The following ITGA1 variants were observed in gnomAD, a reference collection of about 807,000 sequenced individuals.
ITGA1 encodes integrin alpha-1.
A neutral mutation model predicts 145.9 loss-of-function variants in ITGA1; 85 were observed. The ratio of observed to expected loss-of-function variants is 0.58; its 90% confidence interval spans 0.49 to 0.70. ITGA1 has a LOEUF of 0.70. Ranked by LOEUF, ITGA1 falls within the 30% of genes least tolerant of loss-of-function variation. The pLI, the probability that ITGA1 is intolerant of heterozygous loss-of-function variation, is 0.00. For synonymous variants in ITGA1, 520 were observed against 495.3 expected (o/e 1.05, Z -0.66); for missense variants, 1,351 against 1,418.7 (o/e 0.95, Z 0.77).
intron 1 of ITGA1, among the ~76,000 whole-genome samples, chr5:52,792,292 G>T (rs1419889554): frequency 6.6e-6 from 1 of 152,126 alleles, no homozygotes; most frequent in Non-Finnish European, 1.5e-5. Context: ...GAGGAAGTCA[G>T]CCACTTATTC....
chr5:52,891,928 A>G (rs1461840433), intron 8 of ITGA1, among the ~76,000 whole-genome samples: 1 of 152,128 alleles, frequency 6.6e-6, no homozygotes, highest in African/African-American at 2.4e-5. Context: ...AAAAATTTTT[A>G]CATTAAAAAC....
Position 52,897,440 on chromosome 5 carries a change from T to C in ITGA1, c.1091-15T>C, listed in dbSNP as rs1272867693. Reference sequence around the variant, plus strand: ...CATTGTTACTTATTTACAGTGATATTTTCCTATGTTATAGCCACAGCTGAC... The same window carrying C: ...CATTGTTACTTATTTACAGTGATATCTTCCTATGTTATAGCCACAGCTGAC... On this transcript the variant is annotated splice_polypyrimidine_tract_variant and intron_variant, in intron 9 of 28. Coordinates refer to ENST00000282588, the MANE Select transcript of ITGA1 (RefSeq NM_181501.2). The C allele has an allele frequency of 1.3e-6, 2 of 1,582,414 alleles. No homozygotes were observed. The highest frequency in any genetic ancestry group is 1.7e-6 in the Non-Finnish European group (2 of 1,152,830).
chr5:52,939,487 T>A, intron 24 of ITGA1, 103 bp from the exon 25 acceptor site: 1 of 731,414 alleles, frequency 1.4e-6, no homozygotes, highest in East Asian at 2.7e-5. Flanking sequence ...CTCTAATATA[T>A]GGCAATGGCT....
chr5:52,940,369 A>G (rs901123424), intron 26 of ITGA1, among the ~76,000 whole-genome samples: 3 of 151,636 alleles, frequency 2.0e-5, no homozygotes, highest in Non-Finnish European at 4.4e-5. Flanking sequence ...CTGTTATTAT[A>G]TGTATAATTT....
intron 1 of ITGA1, among the ~76,000 whole-genome samples, chr5:52,789,009 C>T (rs6867040): frequency 0.26 from 39,100 of 152,090 alleles, 5,395 homozygotes; most frequent in Non-Finnish European, 0.31. Context: ...TGAACATTTT[C>T]TCTGTAAATA....
intron 14 of ITGA1, among the ~76,000 whole-genome samples, chr5:52,912,804 T>C (rs1428536393): frequency 1.3e-5 from 2 of 150,792 alleles, no homozygotes; most frequent in Non-Finnish European, 3.0e-5. Flanking sequence ...TAGACTGCAG[T>C]GGCACGATCT....
chr5:52,916,906 A>G (rs1750656442), intron 15 of ITGA1, among the ~76,000 whole-genome samples: 1 of 152,198 alleles, frequency 6.6e-6, no homozygotes, highest in Non-Finnish European at 1.5e-5. Flanking sequence ...CTTTCTTGCA[A>G]AGCTTTGCAA....
In ITGA1 at chr5:52,898,284, A is replaced by G; in HGVS notation, c.1210A>G (p.Thr404Ala). 6.2e-7 allele frequency: 1 copy of G among 1,611,720 alleles called. No individual in the cohort carries two copies. The change falls in exon 11 of 29, where the codon ACA (threonine) becomes GCA (alanine). Residue 404 changes from threonine (T) to alanine (A), a missense_variant. By Grantham distance (58) the Thr-to-Ala change is moderately conservative. Transcript: ENST00000282588. ...GAVGAYDWNG[T>A]VVMQKASQII... ...AGTAGGAGCCTATGATTGGAATGGA[A>G]CAGTTGTCATGCAGAAGGCTAGTCA...
rs190839367 is a variant in ITGA1, at chr5:52,843,168, T to C, written c.62-6197T>C. 2.6e-5 allele frequency among the ~76,000 whole-genome samples: 4 copies of C among 152,278 alleles called. No homozygotes were observed. In the East Asian group the frequency reaches 7.7e-4, roughly 29 times the overall value. ...CTATCTTTCTATACCACCAAAGAATTTGCCCTAAAACCATTCACTGTAAAA... is the reference window on the plus strand; with the variant it reads ...CTATCTTTCTATACCACCAAAGAATCTGCCCTAAAACCATTCACTGTAAAA... On this transcript the variant is annotated intron_variant, in intron 1 of 28. Transcript: ENST00000282588.
chr5:52,800,487 C>T (rs1268231627), intron 1 of ITGA1: 3 of 1,614,018 alleles, frequency 1.9e-6, no homozygotes, highest in Non-Finnish European at 2.5e-6. Flanking sequence ...ACACTTACAA[C>T]CTCGTGCAGG....
rs956132521 is a variant in ITGA1 at position 52,957,400 on chromosome 5, T to C, written c.*4949T>C. The C allele has an allele frequency of 6.6e-6, 1 of 152,196 alleles. No homozygotes were observed. The highest frequency in any genetic ancestry group is 2.4e-5 in the African/African-American group (1 of 41,444). The allele number at this position is 152,196 out of a possible 1,614,324, so 9.4% of individuals were successfully genotyped here. Reference sequence around the variant, plus strand: ...TACCATACCAAAAAATATGTAAGGGTGACTCATCACTCCTAACTTTGGACT... The same window carrying C: ...TACCATACCAAAAAATATGTAAGGGCGACTCATCACTCCTAACTTTGGACT... On this transcript the variant is annotated 3_prime_UTR_variant, in exon 29 of 29. Transcript: ENST00000282588.
At chr5:52,917,598 T>C (rs376759094) in intron 15 of ITGA1, among the ~76,000 whole-genome samples, 2 of 107,640 alleles carry the variant, frequency 1.9e-5, no homozygotes, top group Non-Finnish European at 4.5e-5. Context: ...AAAAATAATG[T>C]TCTCAGAAAA....
chr5:52,905,861 A>G lies in ITGA1; in HGVS notation c.1408A>G (p.Met470Val), dbSNP rs1474805227. The change falls in exon 12 of 29, where the codon ATG becomes GTG. Residue 470 changes from methionine to valine, a missense_variant. Met to Val is a conservative substitution (Grantham distance 21). Transcript: ENST00000282588. ...NHTGQVIIYRMEDGNIKILQT... is the reference protein window; with the variant it reads ...NHTGQVIIYRVEDGNIKILQT... ...TACAGGCCAGGTCATTATCTACAGG[A>G]TGGAAGATGGAAACATCAAAATTCT... 6.2e-7 allele frequency: 1 copy of G among 1,613,604 alleles called. No homozygotes were observed.
intron 24 of ITGA1, 22 bp from the exon 25 acceptor site, chr5:52,939,568 A>T: frequency 6.7e-7 from 1 of 1,483,374 alleles, no homozygotes. Context: ...TTGTCTGATA[A>T]ATGTAATATT....
chr5:52,910,562 T>G, intron 14 of ITGA1, 143 bp downstream of exon 14: 1 of 809,546 alleles, frequency 1.2e-6, no homozygotes, highest in South Asian at 1.9e-5. Context: ...TTAAGTGTTT[T>G]TTATAGATTA....
At chr5:52,885,624 A>G (rs1460314596) in intron 7 of ITGA1, among the ~76,000 whole-genome samples, 2 of 152,234 alleles carry the variant, frequency 1.3e-5, no homozygotes, top group Non-Finnish European at 2.9e-5. Context: ...TGAGCAAAGA[A>G]TGATTCATGA....
chr5:52,942,697 ATTTT>A, intron 26 of ITGA1, among the ~76,000 whole-genome samples: 1 of 137,856 alleles, frequency 7.3e-6, no homozygotes. Flanking sequence ...TGCCCGGCTA[ATTTT>A]TTTTTTTTTT....
intron 14 of ITGA1, among the ~76,000 whole-genome samples, chr5:52,910,942 A>T (rs1373572851): frequency 3.6e-5 from 5 of 137,922 alleles, no homozygotes; most frequent in African/African-American, 1.1e-4. Flanking sequence ...TGGTATGTAT[A>T]CTGTATATAG....
intron 11 of ITGA1, chr5:52,904,746 G>A (rs1319220058): frequency 6.6e-6 from 1 of 151,598 alleles, no homozygotes; most frequent in Non-Finnish European, 1.5e-5. Context: ...CCAGCTACTC[G>A]GGAGGCTGAG....
Sources: allele counts gnomAD v4.1 joint callset (sites outside exome capture counted in the v4.1 genomes callset), GRCh38; gene constraint gnomAD v4.1.1; transcripts MANE v1.5; gene names NCBI Gene and HGNC (gene_info 2026-07-23, HGNC 2026-07-21).